ITSN1: variants seen among roughly 807,000 people sequenced by gnomAD.
ITSN1 encodes intersectin 1.
ITSN1 carries 58 observed loss-of-function variants against 239.8 expected under a neutral mutation model. The ratio of observed to expected loss-of-function variants is 0.24; its 90% CI spans 0.20 to 0.30. ITSN1 has a LOEUF of 0.30. Ranked by LOEUF, ITSN1 falls within the 10% of genes least tolerant of loss-of-function variation. The pLI, the probability that ITSN1 is intolerant of heterozygous loss-of-function variation, is 1.00. For synonymous variants in ITSN1, 780 were observed against 770.8 expected (o/e 1.01, Z -0.20); for missense variants, 1,558 against 2,103.3 (o/e 0.74, Z 5.07).
intron 29 of ITSN1, among the ~76,000 whole-genome samples, chr21:33,838,675 C>G (rs1569287078): frequency 6.6e-6 from 1 of 152,168 alleles, no homozygotes; most frequent in South Asian, 2.1e-4. Context: ...TCCCTCTCCC[C>G]GTGCTCTCCA....
chr21:33,772,618 A>T (rs1035556331), intron 12 of ITSN1, among the ~76,000 whole-genome samples: 2 of 152,208 alleles, frequency 1.3e-5, no homozygotes, highest in Non-Finnish European at 2.9e-5. Context: ...AATCATCAAT[A>T]TATGGACTTT....
Position 33,818,203 on chromosome 21 carries a change from C to T in ITSN1, c.2728-64C>T, listed in dbSNP as rs936523246. On this transcript the variant is annotated intron_variant, in intron 22 of 39. Transcript: ENST00000381318. Reference sequence around the variant, plus strand: ...GCTTGTTGGAGAGGTGCCATGCTCACGTCTGCCCTAATTGATAACAAAGCG... The same window carrying T: ...GCTTGTTGGAGAGGTGCCATGCTCATGTCTGCCCTAATTGATAACAAAGCG... 2.0e-5 allele frequency: 28 copies of T among 1,381,746 alleles called. No individual in the cohort carries two copies. In the South Asian group the frequency reaches 2.6e-4, roughly 13 times the overall value. The allele number at this position is 1,381,746 out of a possible 1,614,324, so 85.6% of individuals were successfully genotyped here. A position where few individuals can be genotyped will look rare whatever the true frequency, so the allele number is the denominator to read the frequency against.
chr21:33,760,667 T>C (rs1211520883), intron 8 of ITSN1, among the ~76,000 whole-genome samples: 7 of 152,218 alleles, frequency 4.6e-5, no homozygotes, highest in Non-Finnish European at 5.9e-5. Context: ...TACAGCTCCT[T>C]GGTTCCCTGA....
intron 1 of ITSN1, among the ~76,000 whole-genome samples, chr21:33,714,275 C>T (rs556676233): frequency 1.3e-5 from 2 of 152,252 alleles, no homozygotes; most frequent in East Asian, 1.9e-4. Flanking sequence ...CTAAAGAAAT[C>T]GGGCTTTAAT....
intron 1 of ITSN1, among the ~76,000 whole-genome samples, chr21:33,679,398 T>G (rs568828749): frequency 6.6e-6 from 1 of 152,338 alleles, no homozygotes; most frequent in Non-Finnish European, 1.5e-5. Context: ...GTGACATCTG[T>G]CCTAGGACAA....
intron 1 of ITSN1, among the ~76,000 whole-genome samples, chr21:33,694,750 C>T (rs762754688): frequency 4.6e-5 from 7 of 151,980 alleles, no homozygotes; most frequent in East Asian, 3.9e-4. Context: ...ACCTGGGAGG[C>T]GGAGATTGCA....
At chr21:33,712,194 T>A (rs2092437031) in intron 1 of ITSN1, among the ~76,000 whole-genome samples, 1 of 152,226 alleles carries the variant, frequency 6.6e-6, no homozygotes, top group South Asian at 2.1e-4. Flanking sequence ...TGCAATTTTT[T>A]TTTTTTAAGA....
intron 29 of ITSN1, among the ~76,000 whole-genome samples, chr21:33,841,162 T>A (rs1286667318): frequency 2.0e-5 from 3 of 152,356 alleles, no homozygotes; most frequent in Non-Finnish European, 1.5e-5. Flanking sequence ...AACTGGTATC[T>A]TCCCTGTTTC....
intron 27 of ITSN1, among the ~76,000 whole-genome samples, chr21:33,830,287 G>A (rs2284568): frequency 0.15 from 23,201 of 152,068 alleles, 2,136 homozygotes; most frequent in East Asian, 0.29. Context: ...TTACTGTTAC[G>A]CAGTTCTCAT....
intron 16 of ITSN1, among the ~76,000 whole-genome samples, chr21:33,788,084 C>T (rs1471467582): frequency 6.6e-6 from 1 of 152,142 alleles, no homozygotes; most frequent in Admixed American, 6.5e-5. Flanking sequence ...ACTTTCTTCT[C>T]TTAATGGAAT....
At chr21:33,842,495 GGT>G (rs34019939) in intron 29 of ITSN1, among the ~76,000 whole-genome samples, 16,421 of 147,712 alleles carry the variant, frequency 0.11, 1,285 homozygotes, top group African/African-American at 0.23. Flanking sequence ...TGATGTCAAC[GGT>G]GTGTGTGTGT....
intron 9 of ITSN1, among the ~76,000 whole-genome samples, chr21:33,763,025 T>C (rs538436088): frequency 5.1e-4 from 78 of 151,996 alleles, no homozygotes; most frequent in Non-Finnish European, 1.1e-3. Context: ...TAGTCATCCT[T>C]ATCATTAAAT....
rs1225753708 is a variant in ITSN1, at chr21:33,890,970, G to A, written c.*2670G>A. On this transcript the variant is annotated 3_prime_UTR_variant, in exon 40 of 40. Transcript: ENST00000381318. ...GCTGTGCTGGTCATAGGGTTATGCT[G>A]TAACCCTCAGTCTTCCCTGAGAACT... is the stretch of plus-strand genomic sequence containing the variant. 1.3e-5 allele frequency: 2 copies of A among 152,408 alleles called. No individual in the cohort carries two copies. Among genetic ancestry groups the A allele is most frequent in the African/African-American group, 4.8e-5 (2 of 41,450 alleles). The allele number at this position is 152,408 out of a possible 1,614,324, so 9.4% of individuals were successfully genotyped here. A position where few individuals can be genotyped will look rare whatever the true frequency, so the allele number is the denominator to read the frequency against.
intron 27 of ITSN1, among the ~76,000 whole-genome samples, chr21:33,833,930 TATTATTATTCC>T (rs2074451580): frequency 6.6e-6 from 1 of 151,880 alleles, no homozygotes; most frequent in African/African-American, 2.4e-5. Context: ...TTATTATTAT[TATTATTATTCC>T]TAAAACCCAT....
intron 3 of ITSN1, among the ~76,000 whole-genome samples, 180 bp from the exon 4 acceptor site, chr21:33,722,408 G>A (rs1319016995): frequency 6.6e-6 from 1 of 152,172 alleles, no homozygotes; most frequent in Admixed American, 6.5e-5. Context: ...TCTAAAGTCA[G>A]TGCTGATGGA....
chr21:33,642,971 C>T (rs1330352080), intron 1 of ITSN1, among the ~76,000 whole-genome samples: 3 of 150,166 alleles, frequency 2.0e-5, no homozygotes, highest in African/African-American at 4.9e-5. Flanking sequence ...CCGCGGTGGG[C>T]CGTGGGGTGG....
At chr21:33,675,595 G>A (rs905885635) in intron 1 of ITSN1, among the ~76,000 whole-genome samples, 1 of 151,898 alleles carries the variant, frequency 6.6e-6, no homozygotes, top group Non-Finnish European at 1.5e-5. Context: ...AATAAATCTT[G>A]ATATGTATTA....
chr21:33,656,745 C>T (rs933238793), intron 1 of ITSN1, among the ~76,000 whole-genome samples: 1 of 152,176 alleles, frequency 6.6e-6, no homozygotes, highest in Non-Finnish European at 1.5e-5. Flanking sequence ...GAGTCTCACT[C>T]TATCGCCCAG....
chr21:33,703,077 C>CTCTG (rs924951523), intron 1 of ITSN1, among the ~76,000 whole-genome samples: 1 of 133,004 alleles, frequency 7.5e-6, no homozygotes, highest in Non-Finnish European at 1.6e-5. Context: ...CTGAGCGAGA[C>CTCTG]TCTGTCTGTG....
Sources: allele counts gnomAD v4.1 joint callset (sites outside exome capture counted in the v4.1 genomes callset), GRCh38; gene constraint gnomAD v4.1.1; transcripts MANE v1.5; gene names NCBI Gene and HGNC (gene_info 2026-07-23, HGNC 2026-07-21).